The following LRP1B variants were observed in gnomAD, a reference collection of about 807,000 sequenced individuals.
The protein encoded by LRP1B is LDL receptor related protein 1B, also known as low-density lipoprotein receptor-related protein 1B.
Under a neutral mutation model 556.6 loss-of-function variants are expected in LRP1B, and 217 were observed. The ratio of observed to expected loss-of-function variants is 0.39; its 90% CI spans 0.35 to 0.44. The LOEUF is 0.44. Among genes scored for constraint, LRP1B ranks in the 20% least tolerant of loss-of-function variants. The probability of loss-of-function intolerance (pLI) is 1.00; values close to 1 mark genes in which losing one functional copy is unlikely to be tolerated. For missense variants in LRP1B, 5,053 were observed against 5,620.8 expected, an observed-to-expected ratio of 0.90 and a Z score of 3.23; for synonymous variants, 2,047 against 1,865.8, an observed-to-expected ratio of 1.10 and a Z score of -2.50.
intron 75 of LRP1B, among the ~76,000 whole-genome samples, chr2:140,353,411 G>A (rs1000254049): frequency 2.6e-5 from 4 of 151,800 alleles, no homozygotes; most frequent in African/African-American, 9.7e-5. Flanking sequence ...GTGCAGGTTT[G>A]CTACCTAGAT....
At chr2:142,092,715 G>GA (rs796068993) in intron 1 of LRP1B, among the ~76,000 whole-genome samples, 1 of 151,770 alleles carries the variant, frequency 6.6e-6, no homozygotes, top group East Asian at 1.9e-4. Context: ...ATAGTTCAGT[G>GA]AAAAAAACTC....
intron 7 of LRP1B, among the ~76,000 whole-genome samples, chr2:141,070,260 T>C (rs1699601131): frequency 1.3e-5 from 2 of 150,264 alleles, no homozygotes; most frequent in Middle Eastern, 3.4e-3. Flanking sequence ...GACTACTGGG[T>C]ACATAACGAA....
At chr2:141,934,707 G>C (rs746414833) in intron 1 of LRP1B, among the ~76,000 whole-genome samples, 9 of 152,038 alleles carry the variant, frequency 5.9e-5, no homozygotes, top group Non-Finnish European at 1.2e-4. Context: ...AGATCTGATC[G>C]TTTTATAAGG....
chr2:140,843,120 G>A (rs1160556578), intron 29 of LRP1B, among the ~76,000 whole-genome samples: 1 of 105,304 alleles, frequency 9.5e-6, no homozygotes, highest in Non-Finnish European at 1.8e-5. Flanking sequence ...TGGTGGTGGG[G>A]GGTGAGGGGT....
intron 1 of LRP1B, among the ~76,000 whole-genome samples, chr2:141,878,618 T>A (rs1182718365): frequency 6.6e-6 from 1 of 152,002 alleles, no homozygotes; most frequent in African/African-American, 2.4e-5. Flanking sequence ...GAGGTGTTGA[T>A]AAAGTCATAT....
intron 7 of LRP1B, among the ~76,000 whole-genome samples, chr2:141,091,545 G>A (rs1440609810): frequency 6.6e-6 from 1 of 152,074 alleles, no homozygotes; most frequent in East Asian, 1.9e-4. Context: ...TGCACGTGAG[G>A]TGACTTGGCA....
intron 23 of LRP1B, among the ~76,000 whole-genome samples, chr2:140,901,125 C>T (rs1339288204): frequency 4.6e-5 from 7 of 152,002 alleles, no homozygotes; most frequent in Non-Finnish European, 1.0e-4. Context: ...GATAAGTAAG[C>T]AACAATGTGG....
At chr2:140,936,017 G>A (rs1347739399) in intron 20 of LRP1B, among the ~76,000 whole-genome samples, 4 of 151,170 alleles carry the variant, frequency 2.6e-5, no homozygotes, top group Admixed American at 6.6e-5. Context: ...GTGTGTGTGT[G>A]TGTGTGTAAA....
chr2:141,834,717 AG>A (rs1697213360), intron 1 of LRP1B, among the ~76,000 whole-genome samples: 1 of 151,958 alleles, frequency 6.6e-6, no homozygotes, highest in Admixed American at 6.6e-5. Flanking sequence ...GTGGGTAAGA[AG>A]GATTGGGATC....
intron 3 of LRP1B, among the ~76,000 whole-genome samples, chr2:141,397,454 G>GA (rs1158865844): frequency 2.7e-5 from 4 of 148,604 alleles, no homozygotes; most frequent in East Asian, 3.9e-4. Context: ...AGTAGGATAT[G>GA]AAAAAAAAAG....
chr2:140,944,965 C>T (rs985075846), intron 20 of LRP1B, among the ~76,000 whole-genome samples: 1 of 152,108 alleles, frequency 6.6e-6, no homozygotes, highest in African/African-American at 2.4e-5. Flanking sequence ...ATGAAACAGT[C>T]AAATTATCTG....
chr2:140,982,382 C>A lies in LRP1B; in HGVS notation c.2771-106G>T. The A allele has an allele frequency of 1.3e-5, 9 of 667,346 alleles. No homozygotes were observed. The South Asian group carries it at 1.7e-4, about 13-fold the overall frequency. 41.3% of individuals were successfully genotyped at this position (667,346 alleles called of 1,614,324 possible). A position where few individuals can be genotyped will look rare whatever the true frequency, so the allele number is the denominator to read the frequency against. On this transcript the variant is annotated intron_variant, in intron 17 of 90. Coordinates refer to ENST00000389484, the MANE Select transcript of LRP1B (RefSeq NM_018557.3). ...CTTTCATACATAAGATAGTATGTTT[C>A]TCTATTAAAATAAAATATTTTAAAA...
chr2:141,891,405 C>G (rs1265788138), intron 1 of LRP1B, among the ~76,000 whole-genome samples: 2 of 152,118 alleles, frequency 1.3e-5, no homozygotes, highest in Non-Finnish European at 2.9e-5. Context: ...CAACAGCATT[C>G]CCTTATCTCC....
rs887661546 is a variant in LRP1B at position 141,155,527 on chromosome 2, TG to T, written c.1013+32893del. On this transcript the variant is annotated intron_variant, in intron 7 of 90. Transcript: ENST00000389484. ...AGTTCTGGGATACATGTACAGAACGTGCAGGTTTGTTACATAGGTATATATG... is the reference window on the plus strand; with the variant it reads ...AGTTCTGGGATACATGTACAGAACGTCAGGTTTGTTACATAGGTATATATG... Among the ~76,000 whole-genome samples, 40 of 151,948 alleles carry T rather than the reference TG, an allele frequency of 2.6e-4. 1 individual carries two copies. Among genetic ancestry groups the T allele is most frequent in the South Asian group, 4.1e-4 (2 of 4,820 alleles).
intron 35 of LRP1B, among the ~76,000 whole-genome samples, chr2:140,767,391 A>C (rs1356454983): frequency 2.6e-5 from 4 of 152,028 alleles, no homozygotes; most frequent in Non-Finnish European, 4.4e-5. Context: ...AGGAAAAGTT[A>C]CTTTGACATG....
intron 35 of LRP1B, among the ~76,000 whole-genome samples, chr2:140,767,502 T>C (rs1689158877): frequency 6.6e-6 from 1 of 152,044 alleles, no homozygotes; most frequent in African/African-American, 2.4e-5. Flanking sequence ...GATATTAAAC[T>C]TAACCATTTC....
intron 66 of LRP1B, among the ~76,000 whole-genome samples, chr2:140,386,569 T>C (rs1324634913): frequency 5.3e-5 from 8 of 152,242 alleles, no homozygotes; most frequent in Non-Finnish European, 8.8e-5. Flanking sequence ...AGTTTGAACA[T>C]TAATTATGTT....
chr2:141,769,880 T>C (rs759588106), intron 2 of LRP1B, among the ~76,000 whole-genome samples: 6 of 152,166 alleles, frequency 3.9e-5, no homozygotes, highest in Non-Finnish European at 8.8e-5. Flanking sequence ...ATTCCTTTCA[T>C]GGCCCAGCTC....
At chr2:140,261,696 A>G (rs1681949130) in intron 86 of LRP1B, among the ~76,000 whole-genome samples, 1 of 151,532 alleles carries the variant, frequency 6.6e-6, no homozygotes, top group Non-Finnish European at 1.5e-5. Context: ...TTAACATGCA[A>G]TGCTGTTTGT....
Sources: allele counts gnomAD v4.1 joint callset (sites outside exome capture counted in the v4.1 genomes callset), GRCh38; gene constraint gnomAD v4.1.1; transcripts MANE v1.5; gene names NCBI Gene and HGNC (gene_info 2026-07-23, HGNC 2026-07-21).